PIBF1: variants seen among roughly 807,000 people sequenced by gnomAD.
PIBF1 encodes the protein progesterone-induced-blocking factor 1.
Under a neutral mutation model 112.5 loss-of-function variants are expected in PIBF1, and 90 were observed. The ratio of observed to expected loss-of-function variants is 0.80; its 90% CI spans 0.67 to 0.95. PIBF1 has a LOEUF of 0.95. Ranked by LOEUF, PIBF1 falls within the 40% of genes least tolerant of loss-of-function variation. The pLI is 0.00. For synonymous variants in PIBF1, 301 were observed against 288.6 expected (o/e 1.04, Z -0.44); for missense variants, 915 against 852.3 (o/e 1.07, Z -0.92).
At chr13:72,904,355 A>G (rs1437328340) in intron 11 of PIBF1, among the ~76,000 whole-genome samples, 2 of 150,994 alleles carry the variant, frequency 1.3e-5, no homozygotes, top group African/African-American at 4.9e-5. Flanking sequence ...AATATCATAA[A>G]ATAGAACTGG....
chr13:72,985,371 C>CAAAAAA (rs67195605), intron 16 of PIBF1, among the ~76,000 whole-genome samples: 1,016 of 76,262 alleles, frequency 0.013, 32 homozygotes, highest in Non-Finnish European at 0.019. Flanking sequence ...ACTAAAAATA[C>CAAAAAA]AAAAAAAAAA....
intron 13 of PIBF1, among the ~76,000 whole-genome samples, chr13:72,928,224 A>G (rs1266572669): frequency 6.6e-6 from 1 of 151,642 alleles, no homozygotes; most frequent in Non-Finnish European, 1.5e-5. Flanking sequence ...CCTTCCCGTC[A>G]CCATCAATTC....
chr13:73,006,362 G>C (rs975103259), intron 17 of PIBF1, among the ~76,000 whole-genome samples: 2 of 151,992 alleles, frequency 1.3e-5, no homozygotes, highest in African/African-American at 4.8e-5. Flanking sequence ...ACCTCTTCCT[G>C]ATGTTATTTA....
At chr13:72,943,731 T>C (rs2042073288) in intron 14 of PIBF1, among the ~76,000 whole-genome samples, 1 of 152,248 alleles carries the variant, frequency 6.6e-6, no homozygotes, top group African/African-American at 2.4e-5. Context: ...CTTTGTTGAC[T>C]TCTTTTTCTC....
At chr13:72,869,066 C>T (rs189642526) in intron 10 of PIBF1, among the ~76,000 whole-genome samples, 11 of 152,140 alleles carry the variant, frequency 7.2e-5, no homozygotes, top group African/African-American at 2.6e-4. Context: ...GGCGATTCCT[C>T]AGGGATCTAG....
intron 14 of PIBF1, among the ~76,000 whole-genome samples, chr13:72,935,059 C>T (rs1328020446): frequency 6.6e-6 from 1 of 152,158 alleles, no homozygotes; most frequent in Non-Finnish European, 1.5e-5. Context: ...AATCTTGGCT[C>T]ACCACAACCT....
At chr13:72,866,729 A>G (rs536467474) in intron 10 of PIBF1, among the ~76,000 whole-genome samples, 1 of 152,312 alleles carries the variant, frequency 6.6e-6, no homozygotes, top group South Asian at 2.1e-4. Flanking sequence ...ATTGCTAGCA[A>G]TTAAATTTTG....
At chr13:72,832,072 C>CTTTT (rs754794968) in intron 8 of PIBF1, among the ~76,000 whole-genome samples, 9 of 42,896 alleles carry the variant, frequency 2.1e-4, no homozygotes, top group East Asian at 1.1e-3. Flanking sequence ...CAATTCCGGC[C>CTTTT]TTTTTTTTTT....
chr13:72,848,409 G>A (rs371914468), intron 9 of PIBF1, among the ~76,000 whole-genome samples: 5 of 151,998 alleles, frequency 3.3e-5, no homozygotes, highest in African/African-American at 1.2e-4. Context: ...TTATAATGAG[G>A]TTTTCAAGTT....
intron 12 of PIBF1, among the ~76,000 whole-genome samples, chr13:72,912,160 A>T (rs897965753): frequency 6.6e-6 from 1 of 152,208 alleles, no homozygotes; most frequent in African/African-American, 2.4e-5. Context: ...AACCAGCCCT[A>T]CAAAGCATTG....
At chr13:72,993,450 C>G (rs2043544569) in intron 16 of PIBF1, among the ~76,000 whole-genome samples, 1 of 151,910 alleles carries the variant, frequency 6.6e-6, no homozygotes, top group Non-Finnish European at 1.5e-5. Flanking sequence ...TTAAACCCTC[C>G]AAAAACTTAG....
At chr13:72,793,752 C>T (rs1187375502) in intron 3 of PIBF1, among the ~76,000 whole-genome samples, 3 of 152,054 alleles carry the variant, frequency 2.0e-5, no homozygotes, top group African/African-American at 7.2e-5. Flanking sequence ...AAAGGGGAGT[C>T]AAGGATTACA....
At position 73,015,861 on chromosome 13, in the gene PIBF1, T is replaced by A. The variant is rs753546515; in HGVS notation, c.2224-8T>A. On this transcript the variant is annotated splice_region_variant and splice_polypyrimidine_tract_variant and intron_variant, in intron 17 of 17. Transcript: ENST00000326291. ...TTTATTGGATTTTCTTTTTCTTTTT[T>A]TAAACAGACTAAAAAAGAAGCACCT... The A allele has an allele frequency of 7.1e-6, 11 of 1,552,592 alleles. No homozygotes were observed. Among genetic ancestry groups the A allele is most frequent in the Non-Finnish European group, 9.6e-6 (11 of 1,142,972 alleles).
rs538423136 is a variant in PIBF1, at chr13:72,858,934, TACATA to T, written c.1322+4785_1322+4789del. On this transcript the variant is annotated intron_variant, in intron 10 of 17. Coordinates refer to ENST00000326291, the MANE Select transcript of PIBF1 (RefSeq NM_006346.4). ...TAAGGAACATATTAGTAGATTACAT[TACATA>T]ACATATTTTGATAAATTATACTCTA... is the stretch of plus-strand genomic sequence containing the variant. Among the ~76,000 whole-genome samples, 352 of 152,288 alleles carry T rather than the reference TACATA, an allele frequency of 2.3e-3. 3 individuals carry two copies. Among genetic ancestry groups the T allele is most frequent in the African/African-American group, 7.8e-3 (325 of 41,574 alleles).
At chr13:72,801,633 A>G (rs1278997420) in intron 5 of PIBF1, among the ~76,000 whole-genome samples, 1 of 151,744 alleles carries the variant, frequency 6.6e-6, no homozygotes, top group Non-Finnish European at 1.5e-5. Context: ...CCTCCTGGCT[A>G]TTCTGGTAAA....
chr13:72,855,737 C>A (rs1414706212), intron 10 of PIBF1, among the ~76,000 whole-genome samples: 1 of 152,072 alleles, frequency 6.6e-6, no homozygotes, highest in Non-Finnish European at 1.5e-5. Flanking sequence ...CATTAGAGTT[C>A]CTATAAAGCG....
chr13:72,874,900 A>T (rs2039330079), intron 10 of PIBF1, among the ~76,000 whole-genome samples: 1 of 151,820 alleles, frequency 6.6e-6, no homozygotes, highest in African/African-American at 2.4e-5. Context: ...TACATTTGTT[A>T]CAATTGATGA....
At chr13:72,836,463 C>T (rs1473962488) in intron 9 of PIBF1, among the ~76,000 whole-genome samples, 1 of 151,758 alleles carries the variant, frequency 6.6e-6, no homozygotes, top group Non-Finnish European at 1.5e-5. Context: ...CCCTCAATTC[C>T]AGGAAAAAAA....
intron 14 of PIBF1, among the ~76,000 whole-genome samples, chr13:72,952,975 C>T (rs1179016526): frequency 6.6e-6 from 1 of 151,932 alleles, no homozygotes; most frequent in Non-Finnish European, 1.5e-5. Context: ...AGGTAAAAAC[C>T]AGCTTCTACT....
Sources: gnomAD v4.1 joint callset for allele counts (sites outside exome capture counted in the v4.1 genomes callset) on GRCh38, gnomAD v4.1.1 for gene constraint, MANE v1.5 for transcripts, NCBI Gene and HGNC (gene_info 2026-07-23, HGNC 2026-07-21) for gene names.